The following LMO7 variants were observed in gnomAD, a reference collection of about 807,000 sequenced individuals.
LMO7 encodes LIM domain 7.
A neutral mutation model predicts 206.5 loss-of-function variants in LMO7; 120 were observed. The ratio of observed to expected loss-of-function variants is 0.58; its 90% CI spans 0.50 to 0.68. The LOEUF (loss-of-function observed/expected upper bound fraction) is 0.68, where lower values mean the gene tolerates loss of function less well. Ranked by LOEUF, LMO7 falls within the 30% of genes least tolerant of loss-of-function variation. The pLI is 0.00. For missense variants in LMO7, 1,959 were observed against 1,957.9 expected, an observed-to-expected ratio of 1.00 and a Z score of -0.01; for synonymous variants, 706 against 681.5, an observed-to-expected ratio of 1.04 and a Z score of -0.56.
intron 3 of LMO7, among the ~76,000 whole-genome samples, chr13:75,743,502 T>C (rs9600542): frequency 0.015 from 2,216 of 152,296 alleles, 51 homozygotes; most frequent in African/African-American, 0.049. Flanking sequence ...ATATATAGCA[T>C]AGAATACTAT....
intron 15 of LMO7, among the ~76,000 whole-genome samples, chr13:75,825,110 T>C (rs958796208): frequency 2.6e-5 from 4 of 152,138 alleles, no homozygotes; most frequent in Non-Finnish European, 5.9e-5. Context: ...CATATTTACA[T>C]ATATCTAAAA....
At chr13:75,646,624 C>T (rs943022148) in intron 1 of LMO7, among the ~76,000 whole-genome samples, 3 of 151,584 alleles carry the variant, frequency 2.0e-5, no homozygotes, top group Admixed American at 6.6e-5. Context: ...ACTCTTGTTG[C>T]CCAAGGTGGA....
intron 1 of LMO7, among the ~76,000 whole-genome samples, chr13:75,700,362 A>G (rs1168588666): frequency 6.6e-6 from 1 of 152,244 alleles, no homozygotes; most frequent in African/African-American, 2.4e-5. Flanking sequence ...AGATTGCAGT[A>G]AAGACAGGCC....
chr13:75,776,743 G>A (rs1464454988), intron 4 of LMO7, among the ~76,000 whole-genome samples: 1 of 152,134 alleles, frequency 6.6e-6, no homozygotes, highest in African/African-American at 2.4e-5. Flanking sequence ...CATCATGCAT[G>A]TCATACAGTT....
At chr13:75,713,059 A>G in intron 1 of LMO7, 123 bp from the exon 2 acceptor site, 2 of 561,284 alleles carry the variant, frequency 3.6e-6, no homozygotes, top group South Asian at 4.5e-5. Context: ...ATAGGATATA[A>G]CAGTCTATAT....
At chr13:75,852,822 T>C (rs962432738) in intron 27 of LMO7, among the ~76,000 whole-genome samples, 4 of 152,172 alleles carry the variant, frequency 2.6e-5, no homozygotes, top group Admixed American at 6.5e-5. Flanking sequence ...CTGAGCATGA[T>C]TGAGGTGGAT....
At chr13:75,815,593 G>C (rs1215686328) in intron 11 of LMO7, among the ~76,000 whole-genome samples, 1 of 152,220 alleles carries the variant, frequency 6.6e-6, no homozygotes, top group African/African-American at 2.4e-5. Context: ...GGGGTCCTGA[G>C]GTATGAATGG....
intron 26 of LMO7, among the ~76,000 whole-genome samples, chr13:75,846,141 A>G (rs1264581265): frequency 6.6e-6 from 1 of 152,110 alleles, no homozygotes; most frequent in Non-Finnish European, 1.5e-5. Context: ...GTTATCTTTC[A>G]TGTGCTGACA....
In LMO7 at chr13:75,804,508, C is replaced by T. The variant is rs140498988; in HGVS notation, c.881C>T (p.Pro294Leu). The T allele has an allele frequency of 7.9e-5, 128 of 1,613,978 alleles. No homozygotes were observed. The highest frequency in any genetic ancestry group is 7.9e-4 in the African/African-American group (59 of 74,996). The change falls in exon 8 of 31, where the codon CCG becomes CTG. Residue 294 changes from proline (P) to leucine (L), a missense_variant. Physicochemically the swap from Pro to Leu is moderately conservative, Grantham distance 98 (BLOSUM62 -3). Coordinates refer to ENST00000377534, the MANE Select transcript of LMO7 (RefSeq NM_001306080.2). ...GATAACAGAAGAAGTTGGGCAAGCC[C>T]GGTTTATACAGAAGCAGATGGAACA... ...HEDNRRSWAS[P>L]VYTEADGTFS...
At position 75,804,349 on chromosome 13, in the gene LMO7, A is replaced by G. The variant is rs758737689; in HGVS notation, c.722A>G (p.Asp241Gly). 1.2e-6 allele frequency: 2 copies of G among 1,614,018 alleles called. No individual in the cohort carries two copies. The highest frequency in any genetic ancestry group is 1.1e-5 in the South Asian group (1 of 91,080). ...TFKMQDYNKD[D>G]MSYRRISAVE... is the part of the protein sequence containing the mutation. ...AAGATGCAGGATTATAATAAAGATG[A>G]TATGTCGTATCGAAGGATTTCGGCT... is the stretch of plus-strand genomic sequence containing the variant. The change falls in exon 8 of 31, where the codon GAT (aspartate) becomes GGT (glycine). Residue 241 changes from aspartate to glycine, a missense_variant. Asp to Gly is a moderately conservative substitution (Grantham distance 94, BLOSUM62 -1). Transcript: ENST00000377534.
chr13:75,721,289 A>C (rs962458707), intron 2 of LMO7, among the ~76,000 whole-genome samples: 2 of 152,246 alleles, frequency 1.3e-5, no homozygotes, highest in Non-Finnish European at 2.9e-5. Context: ...TTTCACAGAA[A>C]TATTTCTGCA....
intron 3 of LMO7, among the ~76,000 whole-genome samples, chr13:75,728,576 G>A (rs1372139979): frequency 7.0e-6 from 1 of 141,876 alleles, no homozygotes; most frequent in African/African-American, 2.7e-5. Context: ...TTTGTAGGTT[G>A]CCTGTTCACT....
intron 2 of LMO7, among the ~76,000 whole-genome samples, chr13:75,726,464 A>C (rs1487519455): frequency 6.6e-6 from 1 of 151,962 alleles, no homozygotes; most frequent in Non-Finnish European, 1.5e-5. Flanking sequence ...GGTACATTGA[A>C]TTTAATGTTT....
chr13:75,775,327 T>G (rs1015000115), intron 4 of LMO7, among the ~76,000 whole-genome samples: 2 of 152,098 alleles, frequency 1.3e-5, no homozygotes, highest in African/African-American at 4.8e-5. Context: ...ATTAAAGACT[T>G]AAATGTAAGG....
At chr13:75,623,410 G>A in intron 2 of LMO7, 1 of 697,008 alleles carries the variant, frequency 1.4e-6, no homozygotes, top group Non-Finnish European at 2.6e-6. Flanking sequence ...GTTGCCCAGG[G>A]TGGAGTGCAG....
chr13:75,824,090 G>A (rs2057875683), intron 15 of LMO7, among the ~76,000 whole-genome samples: 1 of 152,188 alleles, frequency 6.6e-6, no homozygotes, highest in Admixed American at 6.5e-5. Context: ...AGTGTATGGA[G>A]ACTTTGTGCA....
At position 75,834,333 on chromosome 13, in the gene LMO7, A is replaced by G. The variant is rs947839353; in HGVS notation, c.3172A>G (p.Lys1058Glu). Residue 1058 changes from lysine to glutamate, a missense_variant, in exon 17 of 31, where the codon AAG becomes GAG. Coordinates refer to ENST00000377534, the MANE Select transcript of LMO7 (RefSeq NM_001306080.2). Reference sequence around the variant, plus strand: ...AAAAGAGTGGGAGGAAGCCATGGCTAAGGCTCAAGAAACTGGACACCTAGT... The same window carrying G: ...AAAAGAGTGGGAGGAAGCCATGGCTGAGGCTCAAGAAACTGGACACCTAGT... ...DSKEWEEAMA[K>E]AQETGHLVMD... 3.7e-6 allele frequency: 6 copies of G among 1,610,826 alleles called. No homozygotes were observed. Among genetic ancestry groups the G allele is most frequent in the Non-Finnish European group, 5.1e-6 (6 of 1,178,506 alleles).
chr13:75,838,119 GTTTA>G lies in LMO7; in HGVS notation c.3395-17_3395-14del. 1 of 1,433,146 alleles carries G rather than the reference GTTTA, an allele frequency of 7.0e-7. No homozygotes were observed. The allele number at this position is 1,433,146 out of a possible 1,614,324, so 88.8% of individuals were successfully genotyped here. A position where few individuals can be genotyped will look rare whatever the true frequency, so the allele number is the denominator to read the frequency against. On this transcript the variant is annotated splice_polypyrimidine_tract_variant and intron_variant, in intron 19 of 30. Transcript: ENST00000377534. ...GAGAAATAAAAATGAATGACATAGT[GTTTA>G]TTTTTTTTTCAACTAGCATCTGAAT...
rs75284065 is a variant in LMO7, at chr13:75,797,080, G to A, written c.462+331G>A. 5.4e-3 allele frequency among the ~76,000 whole-genome samples: 819 copies of A among 152,216 alleles called. 7 individuals carry two copies. The highest frequency in any genetic ancestry group is 0.019 in the African/African-American group (778 of 41,530). On this transcript the variant is annotated intron_variant, in intron 6 of 30. Coordinates refer to ENST00000377534, the MANE Select transcript of LMO7 (RefSeq NM_001306080.2). ...TAGCTTAAGTATTGCTATACTCATC[G>A]TAAACTCAACCTGTAGTAGAGAGGT...
Sources: allele counts gnomAD v4.1 joint callset (sites outside exome capture counted in the v4.1 genomes callset), GRCh38; gene constraint gnomAD v4.1.1; transcripts MANE v1.5; gene names NCBI Gene and HGNC (gene_info 2026-07-23, HGNC 2026-07-21).